PRKCB: variants seen among roughly 807,000 people sequenced by gnomAD.
The protein encoded by PRKCB is protein kinase C beta type.
In PRKCB, 13 loss-of-function variants were observed where a neutral mutation model predicts 81.5. The ratio of observed to expected loss-of-function variants is 0.16; its 90% CI spans 0.10 to 0.25. The LOEUF (loss-of-function observed/expected upper bound fraction) is 0.25. PRKCB is among the 10% of genes least tolerant of loss of function. The pLI, the probability that PRKCB is intolerant of heterozygous loss-of-function variation, is 1.00. For synonymous variants in PRKCB, 335 were observed against 321.4 expected (o/e 1.04, Z -0.45); for missense variants, 509 against 875.7 (o/e 0.58, Z 5.29).
At chr16:24,012,956 A>G (rs1965224793) in intron 3 of PRKCB, among the ~76,000 whole-genome samples, 1 of 152,222 alleles carries the variant, frequency 6.6e-6, no homozygotes, top group Admixed American at 6.5e-5. Context: ...AGTGGGTCTC[A>G]ATTCTAGTTG....
In PRKCB at chr16:24,218,059, T is replaced by C. The variant is rs1193220923; in HGVS notation, c.*3243T>C. 2.0e-6 allele frequency: 2 copies of C among 985,132 alleles called. No homozygotes were observed. Among genetic ancestry groups the C allele is most frequent in the Non-Finnish European group, 2.4e-6 (2 of 829,810 alleles). The allele number at this position is 985,132 out of a possible 1,614,324, so 61.0% of individuals were successfully genotyped here. ...AAATAATTACAAACAACCTACTGTG[T>C]GCCAGGCACTATTCTTAGCACTGGA... On this transcript the variant is annotated 3_prime_UTR_variant, in exon 17 of 17. Coordinates refer to ENST00000643927, the MANE Select transcript of PRKCB (RefSeq NM_002738.7).
chr16:24,220,137 G>C lies in PRKCB; in HGVS notation c.*5321G>C, dbSNP rs764633636. 22 of 1,613,342 alleles carry C rather than the reference G, an allele frequency of 1.4e-5. No individual in the cohort carries two copies. The highest frequency in any genetic ancestry group is 1.9e-5 in the Non-Finnish European group (22 of 1,179,646). ...AGGTGAATGCAAACTCCATCGTTGA[G>C]CCTGGGGTGTAAGACTTCAAGCCAA... On this transcript the variant is annotated 3_prime_UTR_variant, in exon 17 of 17. Transcript: ENST00000643927.
chr16:24,098,234 ATAATGGGCAT>A (rs1473505452), intron 7 of PRKCB: 1 of 152,228 alleles, frequency 6.6e-6, no homozygotes, highest in Non-Finnish European at 1.5e-5. Flanking sequence ...CATAAGATAG[ATAATGGGCAT>A]TAATGGGCAT....
intron 2 of PRKCB, among the ~76,000 whole-genome samples, chr16:23,922,581 C>T (rs549617070): frequency 1.3e-5 from 2 of 152,326 alleles, no homozygotes; most frequent in South Asian, 4.1e-4. Flanking sequence ...AGCTATGATA[C>T]ATCTTGGAAA....
chr16:23,926,043 C>T (rs56229080), intron 2 of PRKCB, among the ~76,000 whole-genome samples: 3,242 of 151,596 alleles, frequency 0.021, 64 homozygotes, highest in Middle Eastern at 0.088. Flanking sequence ...GGGAGGCTGA[C>T]GAAGGAAGAT....
intron 9 of PRKCB, among the ~76,000 whole-genome samples, chr16:24,134,355 A>G (rs1966858372): frequency 6.6e-6 from 1 of 152,166 alleles, no homozygotes; most frequent in South Asian, 2.1e-4. Context: ...CAGAGCCTCT[A>G]GAGGCCAAGC....
At chr16:23,967,680 TCTCATTCTGTCACATAG>T (rs1964505235) in intron 2 of PRKCB, among the ~76,000 whole-genome samples, 2 of 151,972 alleles carry the variant, frequency 1.3e-5, no homozygotes, top group African/African-American at 4.8e-5. Flanking sequence ...TGAGATAGAG[TCTCATTCTGTCACATAG>T]GCTGGAGTGC....
Position 24,185,442 on chromosome 16 carries a change from C to T in PRKCB, c.1615-18C>T. 1.2e-6 allele frequency: 2 copies of T among 1,603,840 alleles called. No individual in the cohort carries two copies. The highest frequency in any genetic ancestry group is 1.7e-6 in the Non-Finnish European group (2 of 1,170,860). ...TCAAGCAGGGATTCTTCTCCTCCCA[C>T]CCTCCCCTGTCATACAGGCACCCTT... On this transcript the variant is annotated intron_variant, in intron 14 of 16. Transcript: ENST00000643927.
intron 5 of PRKCB, among the ~76,000 whole-genome samples, chr16:24,041,676 A>T (rs1567354099): frequency 6.6e-6 from 1 of 152,158 alleles, no homozygotes; most frequent in Non-Finnish European, 1.5e-5. Flanking sequence ...TTAAGATCTG[A>T]CATCCACACA....
At chr16:24,086,309 T>C (rs1966310142) in intron 5 of PRKCB, among the ~76,000 whole-genome samples, 2 of 152,020 alleles carry the variant, frequency 1.3e-5, no homozygotes, top group Non-Finnish European at 2.9e-5. Context: ...AGGTAAACTG[T>C]CAGCCACCAA....
intron 3 of PRKCB, among the ~76,000 whole-genome samples, chr16:24,021,816 A>G (rs1452954800): frequency 6.6e-6 from 1 of 152,208 alleles, no homozygotes; most frequent in Non-Finnish European, 1.5e-5. Context: ...CTGGGCTGTC[A>G]GGAGAATCTG....
intron 9 of PRKCB, among the ~76,000 whole-genome samples, chr16:24,131,931 C>T (rs138439994): frequency 2.4e-3 from 370 of 152,254 alleles, no homozygotes; most frequent in African/African-American, 8.4e-3. Context: ...TGTTACAATT[C>T]GTGTGCGTAC....
intron 5 of PRKCB, among the ~76,000 whole-genome samples, chr16:24,073,659 A>G (rs1478880101): frequency 1.3e-5 from 2 of 152,276 alleles, no homozygotes; most frequent in East Asian, 3.9e-4. Flanking sequence ...CTCAGTCTAA[A>G]GTTCAATATT....
intron 10 of PRKCB, among the ~76,000 whole-genome samples, chr16:24,170,425 T>A (rs186253719): frequency 2.0e-5 from 3 of 152,178 alleles, no homozygotes; most frequent in Admixed American, 2.0e-4. Flanking sequence ...AGGAAGTGAC[T>A]TTTTTAGGCT....
intron 2 of PRKCB, among the ~76,000 whole-genome samples, chr16:23,976,819 A>AT (rs1321996115): frequency 6.6e-6 from 1 of 152,124 alleles, no homozygotes; most frequent in Non-Finnish European, 1.5e-5. Flanking sequence ...AACAGGAAGG[A>AT]TGTCCCCAGC....
chr16:23,907,943 CG>C (rs1370390595), intron 2 of PRKCB, among the ~76,000 whole-genome samples: 2 of 152,142 alleles, frequency 1.3e-5, no homozygotes, highest in Non-Finnish European at 2.9e-5. Context: ...AACAGCATAT[CG>C]GTTTATTGTC....
intron 2 of PRKCB, among the ~76,000 whole-genome samples, chr16:23,902,732 CCCTT>C (rs1555483455): frequency 0.017 from 191 of 11,114 alleles, 4 homozygotes; most frequent in Admixed American, 0.025. Context: ...CTCCCTTCCT[CCCTT>C]CCTTCCTTCC....
Position 23,836,890 on chromosome 16 carries a change from C to T in PRKCB, c.174-485C>T, listed in dbSNP as rs577207996. Among the ~76,000 whole-genome samples, 282 of 152,126 alleles carry T rather than the reference C, an allele frequency of 1.9e-3. 1 individual carries two copies. Among genetic ancestry groups the T allele is most frequent in the Non-Finnish European group, 3.4e-3 (229 of 67,958 alleles). Reference sequence around the variant, plus strand: ...TCTCCCATTGCCCCTCCCCGAGGGCCTGGGTTCCCCTTTCCACTCCTCGGT... The same window carrying T: ...TCTCCCATTGCCCCTCCCCGAGGGCTTGGGTTCCCCTTTCCACTCCTCGGT... On this transcript the variant is annotated intron_variant, in intron 1 of 16. Transcript: ENST00000643927.
chr16:24,126,922 C>T lies in PRKCB; in HGVS notation c.1065+2941C>T, dbSNP rs556180272. On this transcript the variant is annotated intron_variant, in intron 9 of 16. Transcript: ENST00000643927. ...TTATAAGCTCAAGCAATCATCCTGC[C>T]GTGGCCTCAGAAAGTGCTAGGATTA... Among the ~76,000 whole-genome samples the T allele has an allele frequency of 6.6e-5, 10 of 152,104 alleles. No individual in the cohort carries two copies. The South Asian group carries it at 1.7e-3, about 25-fold the overall frequency.
Sources: gnomAD v4.1 joint callset for allele counts (sites outside exome capture counted in the v4.1 genomes callset) on GRCh38, gnomAD v4.1.1 for gene constraint, MANE v1.5 for transcripts, NCBI Gene and HGNC (gene_info 2026-07-23, HGNC 2026-07-21) for gene names.